The following CFAP95 variants were observed in gnomAD, a reference collection of about 807,000 sequenced individuals.
CFAP95 encodes the protein cilia and flagella associated protein 95.
At chr9:69,905,731 A>C in the CFAP95 span, among the ~76,000 whole-genome samples, 2 of 152,168 alleles carry the variant, frequency 1.3e-5, no homozygotes, top group South Asian at 4.1e-4. Flanking sequence ...TTTTAGTTTT[A>C]TAAACAACCA....
chr9:69,859,771 G>A, the CFAP95 span, among the ~76,000 whole-genome samples: 3 of 152,140 alleles, frequency 2.0e-5, no homozygotes, highest in Non-Finnish European at 4.4e-5. Context: ...CAAACCAGAT[G>A]GTCTAGCCTA....
At chr9:69,903,736 AT>A in the CFAP95 span, among the ~76,000 whole-genome samples, 3 of 151,840 alleles carry the variant, frequency 2.0e-5, no homozygotes, top group African/African-American at 7.3e-5. Context: ...TTTCCAATGC[AT>A]TTTTTTTGAG....
chr9:69,858,241 C>A, the CFAP95 span: 411 of 451,998 alleles, frequency 9.1e-4, 2 homozygotes, highest in African/African-American at 7.4e-3. Flanking sequence ...ATTTGTATCC[C>A]ACAAGTCAAT....
the CFAP95 span, among the ~76,000 whole-genome samples, chr9:69,871,876 T>A: frequency 3.9e-5 from 6 of 152,186 alleles, no homozygotes; most frequent in African/African-American, 1.4e-4. Flanking sequence ...ATAATTTATT[T>A]AAAACACAAA....
At chr9:69,837,723 C>A in the CFAP95 span, among the ~76,000 whole-genome samples, 151 of 152,264 alleles carry the variant, frequency 9.9e-4, no homozygotes, top group Admixed American at 3.2e-3. Flanking sequence ...TGTGCAGAAG[C>A]TCTTTAGTTT....
chr9:69,899,864 C>T, the CFAP95 span, among the ~76,000 whole-genome samples: 142 of 152,302 alleles, frequency 9.3e-4, no homozygotes, highest in African/African-American at 3.4e-3. Flanking sequence ...CTGTGTGACT[C>T]CACTGGGAGA....
the CFAP95 span, among the ~76,000 whole-genome samples, chr9:69,901,286 C>T: frequency 6.6e-6 from 1 of 152,004 alleles, no homozygotes. Flanking sequence ...TACAGGTGCC[C>T]GCCACTACGC....
the CFAP95 span, chr9:69,821,133 A>G: frequency 7.4e-7 from 1 of 1,359,760 alleles, no homozygotes; most frequent in South Asian, 1.4e-5. Context: ...AGGGGACAGG[A>G]GTGGAGACGA....
chr9:69,841,328 G>T, the CFAP95 span, among the ~76,000 whole-genome samples: 34 of 151,692 alleles, frequency 2.2e-4, no homozygotes, highest in African/African-American at 8.2e-4. Context: ...CCCTTCATTT[G>T]TGTGCTGCTG....
At chr9:69,821,215 T>G in the CFAP95 span, among the ~76,000 whole-genome samples, 2 of 143,362 alleles carry the variant, frequency 1.4e-5, no homozygotes, top group African/African-American at 2.6e-5. Context: ...AGAAGAAAGG[T>G]GAGAAAAAGA....
chr9:69,834,822 C>G, the CFAP95 span, among the ~76,000 whole-genome samples: 7 of 152,268 alleles, frequency 4.6e-5, no homozygotes, highest in South Asian at 2.1e-4. Flanking sequence ...GCATGAGACA[C>G]ATAGAAAAAC....
the CFAP95 span, among the ~76,000 whole-genome samples, chr9:69,901,486 C>T: frequency 6.6e-6 from 1 of 151,976 alleles, no homozygotes; most frequent in Non-Finnish European, 1.5e-5. Flanking sequence ...TGATGGTTTC[C>T]AGCTTCATCT....
At chr9:69,886,977 A>G in the CFAP95 span, 1 of 1,087,214 alleles carries the variant, frequency 9.2e-7, no homozygotes, top group African/African-American at 1.6e-5. Flanking sequence ...ACTTGGGAAG[A>G]AAGGAGAAAT....
the CFAP95 span, among the ~76,000 whole-genome samples, chr9:69,843,686 C>T: frequency 6.9e-6 from 1 of 145,122 alleles, no homozygotes; most frequent in Non-Finnish European, 1.5e-5. Flanking sequence ...ATTCTGTTGC[C>T]CAGGCTGGAG....
the CFAP95 span, chr9:69,844,646 C>T: frequency 5.2e-6 from 8 of 1,532,388 alleles, no homozygotes; most frequent in African/African-American, 1.4e-5. Context: ...GCTATTACTT[C>T]GTTTGAAGTC....
chr9:69,903,178 G>C, the CFAP95 span, among the ~76,000 whole-genome samples: 2 of 152,180 alleles, frequency 1.3e-5, no homozygotes, highest in Non-Finnish European at 2.9e-5. Flanking sequence ...GGTTATAGGA[G>C]AGCTGCAAAC....
At chr9:69,823,331 C>T in the CFAP95 span, among the ~76,000 whole-genome samples, 1 of 152,176 alleles carries the variant, frequency 6.6e-6, no homozygotes, top group African/African-American at 2.4e-5. Context: ...AGGTCCCTCC[C>T]GATGTGGGGA....
At chr9:69,832,679 G>T in the CFAP95 span, among the ~76,000 whole-genome samples, 1 of 39,654 alleles carries the variant, frequency 2.5e-5, no homozygotes, top group Non-Finnish European at 4.8e-5. Flanking sequence ...TTTCTCAGCT[G>T]GCCTTAGGCC....
chr9:69,859,445 A>T, the CFAP95 span, among the ~76,000 whole-genome samples: 3 of 151,894 alleles, frequency 2.0e-5, no homozygotes, highest in Admixed American at 2.0e-4. Context: ...TTCCCCATGC[A>T]TACTCTCTGT....
Sources: allele counts gnomAD v4.1 joint callset (sites outside exome capture counted in the v4.1 genomes callset), GRCh38; gene constraint gnomAD v4.1.1; transcripts MANE v1.5; gene names NCBI Gene and HGNC (gene_info 2026-07-23, HGNC 2026-07-21).